Variants in NCALD observed in about 807,000 individuals in gnomAD.
The protein encoded by NCALD is neurocalcin delta.
A neutral mutation model predicts 18.6 loss-of-function variants in NCALD; 10 were observed. The observed-to-expected ratio is 0.54, with a 90% CI of 0.33 to 0.91. NCALD has a LOEUF of 0.91. Among genes scored for constraint, NCALD ranks in the 40% least tolerant of loss-of-function variants. The pLI is 0.03. For synonymous variants in NCALD, 88 were observed against 87.4 expected (o/e 1.01, Z -0.04); for missense variants, 184 against 247.6 (o/e 0.74, Z 1.72).
intron 2 of NCALD, among the ~76,000 whole-genome samples, chr8:101,993,327 G>A (rs1439318256): frequency 5.3e-5 from 8 of 151,968 alleles, no homozygotes; most frequent in African/African-American, 1.5e-4. Context: ...TGCCCACAGC[G>A]CCTAACAAGG....
chr8:101,814,475 A>T (rs1259071000), intron 4 of NCALD, among the ~76,000 whole-genome samples: 1 of 152,132 alleles, frequency 6.6e-6, no homozygotes, highest in South Asian at 2.1e-4. Context: ...CTGGGAATAG[A>T]GGGGAATGTT....
chr8:101,776,294 A>C (rs1473991404), intron 1 of NCALD, among the ~76,000 whole-genome samples: 3 of 152,126 alleles, frequency 2.0e-5, no homozygotes, highest in African/African-American at 7.2e-5. Flanking sequence ...CAATTTCAGG[A>C]AAGACAAACC....
chr8:102,010,840 G>A (rs1451131796), intron 2 of NCALD, among the ~76,000 whole-genome samples: 1 of 152,154 alleles, frequency 6.6e-6, no homozygotes, highest in Non-Finnish European at 1.5e-5. Flanking sequence ...TACCACATAA[G>A]ATTACATCAG....
intron 3 of NCALD, among the ~76,000 whole-genome samples, chr8:101,901,384 A>G (rs1421339671): frequency 6.6e-6 from 1 of 151,438 alleles, no homozygotes; most frequent in African/African-American, 2.4e-5. Flanking sequence ...TACTTGGGCT[A>G]ATATCTGCCA....
At chr8:101,785,167 T>TA (rs1812174374) in intron 1 of NCALD, among the ~76,000 whole-genome samples, 1 of 152,122 alleles carries the variant, frequency 6.6e-6, no homozygotes, top group African/African-American at 2.4e-5. Context: ...AGAATGTTGT[T>TA]AAAAAATAGT....
intron 1 of NCALD, chr8:101,721,215 G>C (rs1205759671): frequency 6.6e-6 from 1 of 152,154 alleles, no homozygotes; most frequent in Non-Finnish European, 1.5e-5. Flanking sequence ...CAGAATACCT[G>C]AAAGACAGCA....
intron 1 of NCALD, among the ~76,000 whole-genome samples, chr8:102,057,546 G>A (rs1110080): frequency 6.6e-6 from 1 of 151,980 alleles, no homozygotes; most frequent in Non-Finnish European, 1.5e-5. Flanking sequence ...ATGCTCCAGT[G>A]TCTACTGAAA....
chr8:101,909,233 C>A (rs1817708847), intron 3 of NCALD, among the ~76,000 whole-genome samples: 1 of 152,174 alleles, frequency 6.6e-6, no homozygotes, highest in Non-Finnish European at 1.5e-5. Context: ...AAAGCCAATT[C>A]AATTTTTCGA....
intron 2 of NCALD, among the ~76,000 whole-genome samples, chr8:101,704,599 C>T (rs1016775485): frequency 3.9e-5 from 6 of 152,042 alleles, no homozygotes; most frequent in African/African-American, 1.2e-4. Context: ...TTGTATGCCT[C>T]GTTAAGAAAT....
At position 102,051,783 on chromosome 8, in the gene NCALD, T is replaced by C. The variant is rs191130299; in HGVS notation, c.-209-31494A>G. ...AGAACACAGAAGTCCAAAATCACAGTGTGCCATGCAAAATCCAAACTACAA... is the reference window on the plus strand; with the variant it reads ...AGAACACAGAAGTCCAAAATCACAGCGTGCCATGCAAAATCCAAACTACAA... On this transcript the variant is annotated intron_variant, in intron 1 of 6. Transcript: ENST00000311028. Among the ~76,000 whole-genome samples, 471 of 152,342 alleles carry C rather than the reference T, an allele frequency of 3.1e-3. 3 individuals carry two copies. The highest frequency in any genetic ancestry group is 0.017 in the Middle Eastern group (5 of 294).
intron 4 of NCALD, among the ~76,000 whole-genome samples, chr8:101,849,170 A>G (rs1477097014): frequency 1.3e-5 from 2 of 152,130 alleles, no homozygotes; most frequent in African/African-American, 4.8e-5. Flanking sequence ...ACACATGGAC[A>G]CATTGTGGGG....
chr8:101,979,179 A>G (rs1820528465), intron 2 of NCALD, among the ~76,000 whole-genome samples: 1 of 152,166 alleles, frequency 6.6e-6, no homozygotes, highest in African/African-American at 2.4e-5. Context: ...GGACACTGGG[A>G]GCAACCCCAA....
At chr8:101,819,479 T>C (rs1423095313) in intron 4 of NCALD, among the ~76,000 whole-genome samples, 2 of 152,090 alleles carry the variant, frequency 1.3e-5, no homozygotes, top group Non-Finnish European at 2.9e-5. Context: ...CAGTTTTCAA[T>C]TCTTCACCAG....
intron 1 of NCALD, among the ~76,000 whole-genome samples, chr8:101,727,658 C>T (rs1320234002): frequency 6.6e-6 from 1 of 152,190 alleles, no homozygotes; most frequent in East Asian, 1.9e-4. Context: ...AAAGTATCTT[C>T]TTAAAAACAC....
upstream of NCALD, among the ~76,000 whole-genome samples, chr8:101,793,774 C>T (rs566730607): frequency 3.3e-5 from 5 of 152,236 alleles, no homozygotes; most frequent in East Asian, 9.6e-4. Context: ...AAAAATAGTT[C>T]TGCATCTTAT....
chr8:101,928,605 T>G (rs559841053), intron 2 of NCALD, among the ~76,000 whole-genome samples: 2 of 152,206 alleles, frequency 1.3e-5, no homozygotes, highest in African/African-American at 4.8e-5. Context: ...GGACACTTTT[T>G]TTTTTTTTTA....
At chr8:101,701,489 T>C (rs532364062) in intron 2 of NCALD, among the ~76,000 whole-genome samples, 3 of 152,310 alleles carry the variant, frequency 2.0e-5, no homozygotes, top group South Asian at 4.2e-4. Flanking sequence ...CAGCCAGGCT[T>C]GAGACAGCTC....
chr8:101,778,058 C>T (rs1193426929), intron 1 of NCALD, among the ~76,000 whole-genome samples: 3 of 152,128 alleles, frequency 2.0e-5, no homozygotes, highest in African/African-American at 7.2e-5. Context: ...CTTTCTACTC[C>T]CCTTTAAGAT....
intron 4 of NCALD, among the ~76,000 whole-genome samples, chr8:101,841,506 C>A (rs1210039787): frequency 6.6e-6 from 1 of 152,168 alleles, no homozygotes; most frequent in Non-Finnish European, 1.5e-5. Context: ...GTGCCAATAG[C>A]AACTCCCCTC....
Sources: allele counts gnomAD v4.1 joint callset (sites outside exome capture counted in the v4.1 genomes callset), GRCh38; gene constraint gnomAD v4.1.1; transcripts MANE v1.5; gene names NCBI Gene and HGNC (gene_info 2026-07-23, HGNC 2026-07-21).